Variants in NAA38 observed in about 807,000 individuals in gnomAD.
NAA38 encodes the protein LSM domain containing 1.
In NAA38, 15 loss-of-function variants were observed where a neutral mutation model predicts 12.6. The observed-to-expected ratio is 1.19, with a 90% CI of 0.79 to 1.83. NAA38 has a LOEUF of 1.83. Among genes scored for constraint, NAA38 ranks in the 40% most tolerant of loss-of-function variants. The probability of loss-of-function intolerance (pLI) is 0.00; values close to 1 mark genes in which losing one functional copy is unlikely to be tolerated. For missense variants in NAA38, 183 were observed against 171.7 expected, an observed-to-expected ratio of 1.07 and a Z score of -0.37; for synonymous variants, 88 against 69.9, an observed-to-expected ratio of 1.26 and a Z score of -1.29.
intron 2 of NAA38, among the ~76,000 whole-genome samples, chr17:7,867,427 C>T (rs1260169954): frequency 1.3e-5 from 2 of 152,166 alleles, no homozygotes; most frequent in African/African-American, 4.8e-5. Context: ...CAACCTTCGC[C>T]TCCCAGGTTT....
rs148020333 is a variant in NAA38 at position 7,879,445 on chromosome 17, A to AT, written c.-66+3789dup. Among the ~76,000 whole-genome samples the AT allele has an allele frequency of 0.019, 2,907 of 149,174 alleles. 133 individuals are homozygous for AT. In the East Asian group the frequency reaches 0.2, roughly 10 times the overall value. ...AAAACATATGTGACATTTTGTGTGT[A>AT]TTTTTTTTTTCTGGAGAAAGTTTCT... On this transcript the variant is annotated intron_variant, in intron 2 of 4. Coordinates refer to the NAA38 transcript ENST00000576861.
chr17:7,863,487 T>C (rs1397505456), intron 3 of NAA38: 2 of 152,168 alleles, frequency 1.3e-5, no homozygotes. Flanking sequence ...CATATGTTCC[T>C]TGTAGGAAGC....
upstream of NAA38, chr17:7,859,036 T>G (rs573135251): frequency 5.3e-6 from 3 of 568,552 alleles, no homozygotes; most frequent in East Asian, 2.9e-5. Flanking sequence ...GACTCCTTTA[T>G]AAGCCTGGGA....
At chr17:7,858,343 G>A (rs2078850791), upstream of NAA38, 1 of 1,614,014 alleles carries the variant, frequency 6.2e-7, no homozygotes, top group South Asian at 1.1e-5. Flanking sequence ...GTGTGCACGC[G>A]CGCGTTTGCC....
chr17:7,873,515 G>A (rs907883475), intron 2 of NAA38, among the ~76,000 whole-genome samples: 100 of 152,232 alleles, frequency 6.6e-4, no homozygotes, highest in African/African-American at 2.1e-3. Flanking sequence ...GACACAGTGC[G>A]GTAAGGTGGC....
chr17:7,856,734 G>C lies in NAA38; in HGVS notation c.375C>G (p.Leu125=), dbSNP rs372651777. 14 of 1,613,144 alleles carry C rather than the reference G, an allele frequency of 8.7e-6. No homozygotes were observed. The African/African-American group carries it at 1.7e-4, about 20-fold the overall frequency. ...QRESLTGPPY[L] ...TGAAAGGTAAGCGCCATCGTGGTCA[G>C]AGATACGGAGGCCCGGTCAGACTCT... The change falls in exon 3 of 3, where the codon CTC becomes CTG. Residue 125 remains leucine, a synonymous_variant. Coordinates refer to ENST00000575771, the MANE Select transcript of NAA38 (RefSeq NM_001320925.4).
chr17:7,866,351 G>T, intron 3 of NAA38: 2 of 388,508 alleles, frequency 5.1e-6, no homozygotes, highest in Non-Finnish European at 7.8e-6. Context: ...CTCGTGATCC[G>T]CCCGCCTCGG....
chr17:7,879,800 C>T, intron 2 of NAA38, among the ~76,000 whole-genome samples: 1 of 151,986 alleles, frequency 6.6e-6, no homozygotes, highest in East Asian at 1.9e-4. Context: ...CAGTGAGACA[C>T]ACAGGCATAG....
chr17:7,877,856 A>C (rs148247985), intron 2 of NAA38, among the ~76,000 whole-genome samples: 61 of 152,326 alleles, frequency 4.0e-4, no homozygotes, highest in African/African-American at 1.4e-3. Flanking sequence ...TCATTGACTT[A>C]AAACTCATGT....
chr17:7,869,838 G>C (rs1967055694), intron 2 of NAA38, among the ~76,000 whole-genome samples: 1 of 152,132 alleles, frequency 6.6e-6, no homozygotes, highest in Non-Finnish European at 1.5e-5. Context: ...CCAAGAGCAA[G>C]TGAAGGGGTA....
chr17:7,880,184 A>G (rs1013870591), intron 2 of NAA38, among the ~76,000 whole-genome samples: 2 of 152,166 alleles, frequency 1.3e-5, no homozygotes, highest in Non-Finnish European at 2.9e-5. Context: ...GGGGTGATGG[A>G]AGGATACAGG....
chr17:7,877,424 T>C (rs184408486), intron 2 of NAA38, among the ~76,000 whole-genome samples: 1 of 151,910 alleles, frequency 6.6e-6, no homozygotes, highest in African/African-American at 2.4e-5. Flanking sequence ...ATATTAACCA[T>C]GTCTCTACAT....
At chr17:7,868,316 G>A (rs776905258) in intron 2 of NAA38, among the ~76,000 whole-genome samples, 8 of 152,178 alleles carry the variant, frequency 5.3e-5, no homozygotes, top group Non-Finnish European at 7.3e-5. Flanking sequence ...CAGAGGTCAC[G>A]TAAGATGAAG....
intron 2 of NAA38, among the ~76,000 whole-genome samples, chr17:7,871,022 C>T (rs1967077220): frequency 6.6e-6 from 1 of 152,172 alleles, no homozygotes; most frequent in Non-Finnish European, 1.5e-5. Flanking sequence ...CCACCACACC[C>T]AACCAGAAAT....
At chr17:7,857,713 C>T, upstream of NAA38, 1 of 1,300,984 alleles carries the variant, frequency 7.7e-7, no homozygotes, top group South Asian at 2.4e-5. Flanking sequence ...TCTTACACAT[C>T]CTTTAGAAAC....
intron 2 of NAA38, among the ~76,000 whole-genome samples, chr17:7,879,572 T>G (rs1460460904): frequency 6.6e-6 from 1 of 152,156 alleles, no homozygotes; most frequent in Non-Finnish European, 1.5e-5. Context: ...CCTTAAAAAT[T>G]TTTCTTCATT....
chr17:7,883,959 G>C (rs1217305030), intron 1 of NAA38, among the ~76,000 whole-genome samples: 1 of 151,966 alleles, frequency 6.6e-6, no homozygotes, highest in Non-Finnish European at 1.5e-5. Context: ...TTATGCTGAT[G>C]TCAGACTGAG....
exon 2 of NAA38, chr17:7,883,239 G>C (rs1967327641): frequency 6.6e-6 from 1 of 152,180 alleles, no homozygotes; most frequent in Admixed American, 6.5e-5. Flanking sequence ...CCCTACCTCT[G>C]CTTTTTCTCA....
intron 1 of NAA38, chr17:7,885,067 G>A: frequency 1.0e-6 from 1 of 981,642 alleles, no homozygotes; most frequent in Non-Finnish European, 1.2e-6. Context: ...CCCCGCCGCC[G>A]CCGCCCCCGC....
Sources: gnomAD v4.1 joint callset for allele counts (sites outside exome capture counted in the v4.1 genomes callset) on GRCh38, gnomAD v4.1.1 for gene constraint, MANE v1.5 for transcripts, NCBI Gene and HGNC (gene_info 2026-07-23, HGNC 2026-07-21) for gene names.